L3MBTL4: variants seen among roughly 807,000 people sequenced by gnomAD.
L3MBTL4 encodes L3MBTL histone methyl-lysine binding protein 4.
Under a neutral mutation model 84.5 loss-of-function variants are expected in L3MBTL4, and 70 were observed. That is an observed-to-expected ratio of 0.83 (90% CI 0.68 to 1.01). The LOEUF (loss-of-function observed/expected upper bound fraction) is 1.01, where lower values mean the gene tolerates loss of function less well. Among genes scored for constraint, L3MBTL4 ranks in the 50% least tolerant of loss-of-function variants. The probability of loss-of-function intolerance (pLI) is 0.00; values close to 1 mark genes in which losing one functional copy is unlikely to be tolerated. For synonymous variants in L3MBTL4, 274 were observed against 259.8 expected (o/e 1.05, Z -0.52); for missense variants, 715 against 754.8 (o/e 0.95, Z 0.62).
chr18:5,974,664 A>G (rs1415810496), intron 16 of L3MBTL4, among the ~76,000 whole-genome samples: 1 of 152,168 alleles, frequency 6.6e-6, no homozygotes, highest in Non-Finnish European at 1.5e-5. Context: ...CATTCCACAG[A>G]TTAAAAAGAA....
At chr18:5,991,636 C>T (rs940600374) in intron 16 of L3MBTL4, among the ~76,000 whole-genome samples, 1 of 152,146 alleles carries the variant, frequency 6.6e-6, no homozygotes, top group African/African-American at 2.4e-5. Flanking sequence ...TTCACAGCTG[C>T]CGTGTCAAGA....
intron 1 of L3MBTL4, among the ~76,000 whole-genome samples, chr18:6,373,237 C>A (rs1026895372): frequency 7.2e-5 from 11 of 152,212 alleles, no homozygotes; most frequent in Non-Finnish European, 1.0e-4. Flanking sequence ...GTGCTGGGAA[C>A]TGGAGAGCTT....
chr18:6,131,144 T>A (rs2059864272), intron 14 of L3MBTL4, among the ~76,000 whole-genome samples: 1 of 152,196 alleles, frequency 6.6e-6, no homozygotes, highest in Non-Finnish European at 1.5e-5. Context: ...TACTGTTTAC[T>A]TCCTTTCAAA....
intron 16 of L3MBTL4, among the ~76,000 whole-genome samples, chr18:5,990,680 T>C (rs1260274652): frequency 6.6e-6 from 1 of 152,148 alleles, no homozygotes; most frequent in Non-Finnish European, 1.5e-5. Flanking sequence ...TAGACTTAGC[T>C]AGCAAATATA....
At position 5,964,567 on chromosome 18, in the gene L3MBTL4, C is replaced by T. The variant is rs144600932; in HGVS notation, c.1615-4411G>A. Among the ~76,000 whole-genome samples the T allele has an allele frequency of 1.7e-3, 265 of 152,146 alleles. 1 individual carries two copies. Among genetic ancestry groups the T allele is most frequent in the African/African-American group, 6.1e-3 (255 of 41,498 alleles). On this transcript the variant is annotated intron_variant, in intron 17 of 18. Coordinates refer to ENST00000317931, the MANE Select transcript of L3MBTL4 (RefSeq NM_001330559.2). ...GCTGCTCTGCTTATGAGCAATACCC[C>T]GAATTTTTCAAATCACCCCTTCCTG...
intron 5 of L3MBTL4, among the ~76,000 whole-genome samples, chr18:6,244,867 T>C (rs1467335148): frequency 6.6e-6 from 1 of 152,220 alleles, no homozygotes; most frequent in African/African-American, 2.4e-5. Flanking sequence ...ACATACAGCA[T>C]AACATCACTG....
intron 10 of L3MBTL4, among the ~76,000 whole-genome samples, chr18:6,222,321 C>G (rs1281413239): frequency 1.3e-5 from 2 of 152,146 alleles, no homozygotes; most frequent in Admixed American, 1.3e-4. Context: ...AGGAGCTTGT[C>G]AAAGAGCTCA....
At chr18:6,193,086 A>C (rs1169063992) in intron 12 of L3MBTL4, among the ~76,000 whole-genome samples, 3 of 152,088 alleles carry the variant, frequency 2.0e-5, no homozygotes. Context: ...GAGAAACTGC[A>C]ATCACAAAAA....
intron 1 of L3MBTL4, among the ~76,000 whole-genome samples, chr18:6,323,062 G>GT (rs1208924676): frequency 6.6e-6 from 1 of 152,154 alleles, no homozygotes; most frequent in Non-Finnish European, 1.5e-5. Flanking sequence ...CTCCAGCTAT[G>GT]TAAGTAATGC....
At chr18:6,365,457 CAGA>C (rs1483768559) in intron 1 of L3MBTL4, among the ~76,000 whole-genome samples, 2 of 152,172 alleles carry the variant, frequency 1.3e-5, no homozygotes, top group Non-Finnish European at 2.9e-5. Flanking sequence ...GCTTTATCCT[CAGA>C]AGAAATAAAT....
At chr18:6,033,471 T>C (rs1438865878) in intron 16 of L3MBTL4, among the ~76,000 whole-genome samples, 2 of 152,220 alleles carry the variant, frequency 1.3e-5, no homozygotes, top group African/African-American at 2.4e-5. Context: ...TGTTTACATC[T>C]AAAATAATTA....
chr18:6,155,174 T>C (rs1321482462), intron 13 of L3MBTL4, among the ~76,000 whole-genome samples: 1 of 152,178 alleles, frequency 6.6e-6, no homozygotes, highest in Non-Finnish European at 1.5e-5. Flanking sequence ...GAAAAAGGAC[T>C]ATGTGGTCAG....
intron 4 of L3MBTL4, among the ~76,000 whole-genome samples, chr18:6,277,791 A>T (rs1057012618): frequency 6.6e-6 from 1 of 151,978 alleles, no homozygotes; most frequent in African/African-American, 2.4e-5. Context: ...CTAAGTGCTG[A>T]TGGTTGAAAT....
chr18:6,111,130 A>G (rs1347019819), intron 14 of L3MBTL4, among the ~76,000 whole-genome samples: 2 of 152,192 alleles, frequency 1.3e-5, no homozygotes, highest in Non-Finnish European at 2.9e-5. Flanking sequence ...GAAAAAGAGA[A>G]TAAGATGGAG....
At chr18:6,257,001 G>A (rs952211323) in intron 5 of L3MBTL4, 2 of 152,636 alleles carry the variant, frequency 1.3e-5, no homozygotes, top group African/African-American at 4.8e-5. Flanking sequence ...GGAAAAGCAA[G>A]GGACGAGAGA....
chr18:5,979,913 C>A (rs1386235533), intron 16 of L3MBTL4, among the ~76,000 whole-genome samples: 1 of 152,142 alleles, frequency 6.6e-6, no homozygotes, highest in Non-Finnish European at 1.5e-5. Context: ...AAAGGAGCAC[C>A]TTAGGGTACA....
intron 16 of L3MBTL4, among the ~76,000 whole-genome samples, chr18:6,039,321 A>C (rs1187358883): frequency 6.6e-6 from 1 of 151,974 alleles, no homozygotes; most frequent in Middle Eastern, 3.4e-3. Flanking sequence ...AAAATAAGAA[A>C]ATTTTCTCTG....
At chr18:6,110,033 G>A (rs559023516) in intron 14 of L3MBTL4, among the ~76,000 whole-genome samples, 7 of 152,026 alleles carry the variant, frequency 4.6e-5, no homozygotes, top group Middle Eastern at 3.4e-3. Context: ...AGCCAAGGAC[G>A]TGCCTTAACA....
chr18:6,126,906 A>C lies in L3MBTL4; in HGVS notation c.1199+11288T>G, dbSNP rs549051442. ...CAAGTTTATTTTTAAATTTCCACCC[A>C]GTTCAATTTCACTGTGTGGTAACAG... On this transcript the variant is annotated intron_variant, in intron 14 of 18. Transcript: ENST00000317931. Among the ~76,000 whole-genome samples the C allele has an allele frequency of 6.6e-5, 10 of 152,338 alleles. No homozygotes were observed. In the South Asian group the frequency reaches 1.9e-3, roughly 28 times the overall value.
Sources: allele counts gnomAD v4.1 joint callset (sites outside exome capture counted in the v4.1 genomes callset), GRCh38; gene constraint gnomAD v4.1.1; transcripts MANE v1.5; gene names NCBI Gene and HGNC (gene_info 2026-07-23, HGNC 2026-07-21).